The following PTPN13 variants were observed in gnomAD, a reference collection of about 807,000 sequenced individuals.
The protein encoded by PTPN13 is tyrosine-protein phosphatase non-receptor type 13.
In PTPN13, 191 loss-of-function variants were observed where a neutral mutation model predicts 284.0. The ratio of observed to expected loss-of-function variants is 0.67; its 90% CI spans 0.60 to 0.76. The LOEUF is 0.76. PTPN13 is among the 30% of genes least tolerant of loss of function. The pLI, the probability that PTPN13 is intolerant of heterozygous loss-of-function variation, is 0.00. For missense variants in PTPN13, 2,797 were observed against 2,939.9 expected, an observed-to-expected ratio of 0.95 and a Z score of 1.12; for synonymous variants, 986 against 1,022.3, an observed-to-expected ratio of 0.96 and a Z score of 0.68.
At position 86,771,340 on chromosome 4, in the gene PTPN13, G is replaced by A. The variant is rs1251563351; in HGVS notation, c.4973G>A (p.Ser1658Asn). 6.3e-7 allele frequency: 1 copy of A among 1,593,746 alleles called. No individual in the cohort carries two copies. The highest frequency in any genetic ancestry group is 1.1e-5 in the South Asian group (1 of 87,598). Residue 1658 changes from serine to asparagine, a missense_variant, in exon 31 of 48, where the codon AGT becomes AAT. Transcript: ENST00000411767. ...GACAGTTACAGTGACAGCAGTGGGA[G>A]TGGAGAAGATGACTTAGTGACAGCT... ...RRDSYSDSSGSGEDDLVTAPA... is the reference protein window; with the variant it reads ...RRDSYSDSSGNGEDDLVTAPA...
chr4:86,802,071 G>A (rs188661975), intron 42 of PTPN13, among the ~76,000 whole-genome samples: 8 of 151,462 alleles, frequency 5.3e-5, no homozygotes, highest in Admixed American at 5.3e-4. Flanking sequence ...TTTTGTATTT[G>A]TTTGATGTGC....
intron 1 of PTPN13, among the ~76,000 whole-genome samples, chr4:86,623,778 A>G (rs1721522394): frequency 6.6e-6 from 1 of 152,138 alleles, no homozygotes; most frequent in African/African-American, 2.4e-5. Context: ...ACTTTGCTCA[A>G]ATGACAAACT....
At chr4:86,698,538 C>A (rs554611127) in intron 6 of PTPN13, among the ~76,000 whole-genome samples, 1 of 152,112 alleles carries the variant, frequency 6.6e-6, no homozygotes, top group South Asian at 2.1e-4. Flanking sequence ...CTAAAACTGA[C>A]ACCTAAGGAA....
intron 3 of PTPN13, among the ~76,000 whole-genome samples, chr4:86,674,155 C>T (rs1328248529): frequency 6.6e-6 from 1 of 151,984 alleles, no homozygotes; most frequent in Non-Finnish European, 1.5e-5. Context: ...ATTTTATTGT[C>T]AAAGTTATGA....
chr4:86,661,351 C>T (rs1179741358), intron 2 of PTPN13, among the ~76,000 whole-genome samples: 3 of 152,082 alleles, frequency 2.0e-5, no homozygotes, highest in African/African-American at 7.2e-5. Context: ...AATATCTTTT[C>T]TCCAATATAG....
chr4:86,685,399 A>T (rs1011679359), intron 3 of PTPN13, among the ~76,000 whole-genome samples: 3 of 152,208 alleles, frequency 2.0e-5, no homozygotes, highest in African/African-American at 7.2e-5. Context: ...TCTTGAGGTC[A>T]GGAGTTCGAG....
chr4:86,653,414 T>C (rs1725328542), intron 2 of PTPN13, among the ~76,000 whole-genome samples: 1 of 152,182 alleles, frequency 6.6e-6, no homozygotes, highest in African/African-American at 2.4e-5. Flanking sequence ...TCAAAGGGGA[T>C]TGAGTATTGT....
intron 20 of PTPN13, among the ~76,000 whole-genome samples, chr4:86,757,846 G>A (rs984951331): frequency 6.6e-6 from 1 of 151,184 alleles, no homozygotes; most frequent in Non-Finnish European, 1.5e-5. Flanking sequence ...AAATTAAAAT[G>A]CCAACCATTA....
Position 86,775,516 on chromosome 4 carries a change from G to C in PTPN13, c.5755G>C (p.Ala1919Pro). 6.2e-7 allele frequency: 1 copy of C among 1,612,466 alleles called. No homozygotes were observed. Among genetic ancestry groups the C allele is most frequent in the Non-Finnish European group, 8.5e-7 (1 of 1,178,724 alleles). Reference sequence around the variant, plus strand: ...TAGTGATATTAATCCAAGGTCCGTCGCAGCCATTGAGGGTAATCTCCAGCT... The same window carrying C: ...TAGTGATATTAATCCAAGGTCCGTCCCAGCCATTGAGGGTAATCTCCAGCT... ...YISDINPRSVAAIEGNLQLLD... is the reference protein window; with the variant it reads ...YISDINPRSVPAIEGNLQLLD... The change falls in exon 35 of 48, where the codon GCA becomes CCA. Residue 1919 changes from alanine (A) to proline (P), a missense_variant. Coordinates refer to ENST00000411767, the MANE Select transcript of PTPN13 (RefSeq NM_080683.3).
At chr4:86,698,128 C>T (rs1245002140) in intron 6 of PTPN13, among the ~76,000 whole-genome samples, 2 of 152,030 alleles carry the variant, frequency 1.3e-5, no homozygotes, top group East Asian at 3.9e-4. Context: ...AGGGTGATGG[C>T]AGTGGAATTA....
chr4:86,682,604 G>A (rs982143409), intron 3 of PTPN13, among the ~76,000 whole-genome samples: 3 of 151,906 alleles, frequency 2.0e-5, no homozygotes, highest in Non-Finnish European at 4.4e-5. Context: ...CTTCCTGTGC[G>A]TGACCTTCCT....
intron 20 of PTPN13, among the ~76,000 whole-genome samples, chr4:86,756,759 T>G (rs1213811946): frequency 6.6e-6 from 1 of 152,166 alleles, no homozygotes; most frequent in African/African-American, 2.4e-5. Context: ...TACTATTTGT[T>G]TTGTGACATA....
intron 35 of PTPN13, among the ~76,000 whole-genome samples, chr4:86,778,143 A>C (rs1166986241): frequency 1.3e-5 from 2 of 152,160 alleles, no homozygotes; most frequent in Non-Finnish European, 1.5e-5. Flanking sequence ...ATTAAAGTCC[A>C]TAGGGTAGCA....
chr4:86,709,370 A>G (rs1227608666), intron 7 of PTPN13, among the ~76,000 whole-genome samples: 3 of 152,090 alleles, frequency 2.0e-5, no homozygotes, highest in Non-Finnish European at 4.4e-5. Context: ...GCCTTATCTA[A>G]TTCATAGCTG....
In PTPN13 at chr4:86,793,898, A is replaced by G. The variant is rs188838887; in HGVS notation, c.6346-2976A>G. 2.3e-4 allele frequency among the ~76,000 whole-genome samples: 32 copies of G among 139,832 alleles called. 2 individuals carry two copies. The East Asian group carries it at 4.3e-3, about 19-fold the overall frequency. The allele number at this position is 139,832 out of a possible 152,430, so 91.7% of individuals were successfully genotyped here. On this transcript the variant is annotated intron_variant, in intron 40 of 47. Coordinates refer to ENST00000411767, the MANE Select transcript of PTPN13 (RefSeq NM_080683.3). ...ATAGCACTAAATCCCCACAAGAGAA[A>G]GAAGGAAAGATCTTGACAGCCTAAC...
intron 21 of PTPN13, 89 bp downstream of exon 21, chr4:86,758,438 C>T (rs1292112885): frequency 8.7e-7 from 1 of 1,143,832 alleles, no homozygotes; most frequent in East Asian, 2.6e-5. Flanking sequence ...GCAGTGCCAG[C>T]TCACTTCTGG....
At chr4:86,643,896 G>A (rs1049754446) in intron 2 of PTPN13, among the ~76,000 whole-genome samples, 1 of 152,030 alleles carries the variant, frequency 6.6e-6, no homozygotes, top group African/African-American at 2.4e-5. Flanking sequence ...TAACAATGAA[G>A]TTTAAAAATT....
chr4:86,717,186 G>T (rs912484063), intron 9 of PTPN13, 69 bp downstream of exon 9: 26 of 1,081,098 alleles, frequency 2.4e-5, no homozygotes, highest in Non-Finnish European at 2.9e-5. Context: ...TGAATTAAAT[G>T]GAATTTTTTT....
At chr4:86,601,844 T>C (rs1396075162) in intron 1 of PTPN13, among the ~76,000 whole-genome samples, 2 of 152,208 alleles carry the variant, frequency 1.3e-5, no homozygotes, top group Non-Finnish European at 2.9e-5. Context: ...TATCCAACAT[T>C]TGTATACCTA....
Sources: gnomAD v4.1 joint callset for allele counts (sites outside exome capture counted in the v4.1 genomes callset) on GRCh38, gnomAD v4.1.1 for gene constraint, MANE v1.5 for transcripts, NCBI Gene and HGNC (gene_info 2026-07-23, HGNC 2026-07-21) for gene names.